SERPINA6: variants seen among roughly 807,000 people sequenced by gnomAD.
SERPINA6 encodes serpin family A member 6.
A neutral mutation model predicts 26.4 loss-of-function variants in SERPINA6; 19 were observed. The observed-to-expected ratio is 0.72, with a 90% CI of 0.50 to 1.06. The LOEUF (loss-of-function observed/expected upper bound fraction) is 1.06, where lower values mean the gene tolerates loss of function less well. Ranked by LOEUF, SERPINA6 falls within the 50% of genes least tolerant of loss-of-function variation. The pLI, the probability that SERPINA6 is intolerant of heterozygous loss-of-function variation, is 0.00. For missense variants in SERPINA6, 473 were observed against 504.0 expected (o/e 0.94, Z 0.59); for synonymous variants, 196 against 199.4 (o/e 0.98, Z 0.14).
In SERPINA6 at chr14:94,304,427, G is replaced by T. The variant is rs1895404343; in HGVS notation, c.1209C>A (p.Asn403Lys). 6.2e-7 allele frequency: 1 copy of T among 1,613,948 alleles called. No homozygotes were observed. The highest frequency in any genetic ancestry group is 8.5e-7 in the Non-Finnish European group (1 of 1,179,970). Reference protein sequence around the residue: ...WSSLFLARVMNPV With the variant: ...WSSLFLARVMKPV ...CTGGGTGGGTGGTCTCTTACACTGG[G>T]TTCATAACCCTCGCCAGGAAAAGGC... The change falls in exon 5 of 5, where the codon AAC becomes AAA. Residue 403 changes from asparagine (N) to lysine (K), a missense_variant. By Grantham distance (94) the Asn-to-Lys change is moderately conservative (BLOSUM62 0). Coordinates refer to ENST00000341584, the MANE Select transcript of SERPINA6 (RefSeq NM_001756.4).
chr14:94,309,121 T>C (rs1182270805), intron 3 of SERPINA6, among the ~76,000 whole-genome samples: 2 of 152,248 alleles, frequency 1.3e-5, no homozygotes, highest in African/African-American at 2.4e-5. Context: ...AGGGAATCCA[T>C]TGGCCGCTTC....
chr14:94,320,232 G>C (rs542433740), intron 1 of SERPINA6, among the ~76,000 whole-genome samples: 1 of 152,176 alleles, frequency 6.6e-6, no homozygotes, highest in Admixed American at 6.5e-5. Context: ...GCTCCAGGAG[G>C]TTGTGTTGTG....
At chr14:94,313,454 A>T (rs2139721945) in intron 2 of SERPINA6, among the ~76,000 whole-genome samples, 1 of 152,368 alleles carries the variant, frequency 6.6e-6, no homozygotes, top group Non-Finnish European at 1.5e-5. Flanking sequence ...AGTCAGAATC[A>T]GAGAGATGTG....
intron 3 of SERPINA6, 130 bp downstream of exon 3, chr14:94,309,606 G>A (rs1162622013): frequency 2.9e-6 from 3 of 1,026,866 alleles, no homozygotes; most frequent in Non-Finnish European, 4.5e-6. Flanking sequence ...GGGCCCAGCA[G>A]ACAGGAAAAC....
At chr14:94,319,875 GTGGTGA>G (rs1895660240) in intron 1 of SERPINA6, among the ~76,000 whole-genome samples, 1 of 152,174 alleles carries the variant, frequency 6.6e-6, no homozygotes, top group Non-Finnish European at 1.5e-5. Flanking sequence ...GACATGGAAG[GTGGTGA>G]TGGTGGCACA....
Position 94,304,526 on chromosome 14 carries a change from C to T in SERPINA6, c.1110G>A (p.Leu370=), listed in dbSNP as rs370728214. ...AACGCAAGATGATAGGCTTGGACGT[C>T]AGGTTTAGGGTGACCCCAGTGGAGC... is the stretch of plus-strand genomic sequence containing the variant. ...TAGSTGVTLN[L]TSKPIILRFN... The change falls in exon 5 of 5, where the codon CTG becomes CTA. Residue 370 remains leucine (L), a synonymous_variant. Coordinates refer to ENST00000341584, the MANE Select transcript of SERPINA6 (RefSeq NM_001756.4). 3.7e-6 allele frequency: 6 copies of T among 1,614,010 alleles called. No homozygotes were observed. The African/African-American group carries it at 6.7e-5, about 18-fold the overall frequency.
chr14:94,314,260 G>A lies in SERPINA6; in HGVS notation c.389C>T (p.Ala130Val), dbSNP rs764824086. 2.5e-6 allele frequency: 4 copies of A among 1,614,052 alleles called. No individual in the cohort carries two copies. The South Asian group carries it at 3.3e-5, about 13-fold the overall frequency. Residue 130 changes from alanine to valine, a missense_variant, in exon 2 of 5, where the codon GCC becomes GTC. Ala to Val is a moderately conservative substitution (Grantham distance 64). Transcript: ENST00000341584. The part of the protein sequence containing the change: ...DTSLEMTMGN[A>V]LFLDGSLELL... ...CTCCAGGCTGCCATCAAGAAACAAGGCATTGCCCATGGTCATTTCTAAGCT... is the reference window on the plus strand; with the variant it reads ...CTCCAGGCTGCCATCAAGAAACAAGACATTGCCCATGGTCATTTCTAAGCT...
intron 2 of SERPINA6, chr14:94,313,779 C>T (rs550107515): frequency 1.6e-6 from 1 of 626,152 alleles, no homozygotes; most frequent in African/African-American, 1.8e-5. Context: ...CCAGACTGTT[C>T]ATGGTTACAG....
At position 94,309,849 on chromosome 14, in the gene SERPINA6, G is replaced by A. The variant is rs747855761; in HGVS notation, c.771C>T (p.Tyr257=). The A allele has an allele frequency of 9.3e-6, 15 of 1,614,194 alleles. No homozygotes were observed. The highest frequency in any genetic ancestry group is 6.7e-5 in the East Asian group (3 of 44,874). Residue 257 remains tyrosine, a synonymous_variant, in exon 3 of 5, where the codon TAC becomes TAT. Coordinates refer to ENST00000341584, the MANE Select transcript of SERPINA6 (RefSeq NM_001756.4). The part of the protein sequence containing the change: ...ELPCQLVQMN[Y]VGNGTVFFIL... ...TGAAGAAGACAGTCCCATTGCCCAC[G>A]TAGTTCATCTGCACCAGCTGGCAGG...
intron 4 of SERPINA6, among the ~76,000 whole-genome samples, chr14:94,305,564 C>A (rs1276265008): frequency 6.6e-6 from 1 of 152,168 alleles, no homozygotes; most frequent in East Asian, 1.9e-4. Flanking sequence ...AGGGGCCACA[C>A]ATCTGAGTAA....
In SERPINA6 at chr14:94,306,353, C is replaced by T. The variant is rs888104950; in HGVS notation, c.885-135G>A. On this transcript the variant is annotated intron_variant, in intron 3 of 4. Coordinates refer to ENST00000341584, the MANE Select transcript of SERPINA6 (RefSeq NM_001756.4). ...AGCTCCTGCCCTCCAGCCTGACTTG[C>T]TCTTTGTGGGTAGGAGAAGGGACAG... The T allele has an allele frequency of 5.5e-6, 5 of 907,250 alleles. No homozygotes were observed. In the African/African-American group the frequency reaches 8.2e-5, roughly 15 times the overall value. 56.2% of individuals were successfully genotyped at this position (907,250 alleles called of 1,614,324 possible). A position where few individuals can be genotyped will look rare whatever the true frequency, so the allele number is the denominator to read the frequency against.
intron 3 of SERPINA6, 125 bp downstream of exon 3, chr14:94,309,611 G>A: frequency 8.8e-7 from 1 of 1,133,826 alleles, no homozygotes; most frequent in Non-Finnish European, 1.3e-6. Context: ...CAGCAGACAG[G>A]AAAACTGAGC....
At position 94,304,435 on chromosome 14, in the gene SERPINA6, C is replaced by T; in HGVS notation, c.1201G>A (p.Val401Ile). The T allele has an allele frequency of 1.2e-6, 2 of 1,614,050 alleles. No individual in the cohort carries two copies. Among genetic ancestry groups the T allele is most frequent in the Admixed American group, 1.7e-5 (1 of 60,006 alleles). ...GTGGTCTCTTACACTGGGTTCATAACCCTCGCCAGGAAAAGGCTGCTCCAG... is the reference window on the plus strand; with the variant it reads ...GTGGTCTCTTACACTGGGTTCATAATCCTCGCCAGGAAAAGGCTGCTCCAG... Reference protein sequence around the residue: ...FTWSSLFLARVMNPV With the variant: ...FTWSSLFLARIMNPV The change falls in exon 5 of 5, where the codon GTT becomes ATT. Residue 401 changes from valine (V) to isoleucine (I), a missense_variant. Val to Ile is a conservative substitution (Grantham distance 29). Transcript: ENST00000341584.
intron 1 of SERPINA6, among the ~76,000 whole-genome samples, chr14:94,316,407 T>C (rs1895614787): frequency 6.6e-6 from 1 of 152,230 alleles, no homozygotes; most frequent in African/African-American, 2.4e-5. Context: ...CTCTATTTTC[T>C]TACTTATTTT....
chr14:94,304,475 G>A lies in SERPINA6; in HGVS notation c.1161C>T (p.Ile387=). The change falls in exon 5 of 5, where the codon ATC becomes ATT. Residue 387 remains isoleucine (I), a synonymous_variant. Coordinates refer to ENST00000341584, the MANE Select transcript of SERPINA6 (RefSeq NM_001756.4). The stretch of plus-strand genomic sequence containing the variant: ...GGCTGCTCCAGGTGAAGTGGTCGAA[G>A]ATCATGATGATGAAGGGCTGGTTGA... ...LRFNQPFIIM[I]FDHFTWSSLF... is the part of the protein sequence containing the mutation. 1 of 1,614,228 alleles carries A rather than the reference G, an allele frequency of 6.2e-7. No homozygotes were observed. The highest frequency in any genetic ancestry group is 8.5e-7 in the Non-Finnish European group (1 of 1,180,042).
chr14:94,307,202 CT>C (rs985933694), intron 3 of SERPINA6, among the ~76,000 whole-genome samples: 15 of 151,930 alleles, frequency 9.9e-5, no homozygotes, highest in South Asian at 2.1e-4. Context: ...ATGTTCTTTA[CT>C]TTTTTTTTCT....
chr14:94,310,510 G>A (rs939979069), intron 2 of SERPINA6, among the ~76,000 whole-genome samples: 3 of 152,124 alleles, frequency 2.0e-5, no homozygotes, highest in African/African-American at 7.2e-5. Context: ...GAGTCAGGGT[G>A]AGAAGACTCC....
In SERPINA6 at chr14:94,314,586, C is replaced by T; in HGVS notation, c.63G>A (p.Gln21=). The part of the protein sequence containing the change: ...WLPTSGLWTV[Q]AMDPNAAYVN... ...CATAAGCAGCGTTAGGATCCATGGC[C>T]TGGACGGTCCAGAGGCCGCTGGTGG... is the stretch of plus-strand genomic sequence containing the variant. Residue 21 remains glutamine (Q), a synonymous_variant, in exon 2 of 5, where the codon CAG becomes CAA. Coordinates refer to ENST00000341584, the MANE Select transcript of SERPINA6 (RefSeq NM_001756.4). 1 of 1,614,220 alleles carries T rather than the reference C, an allele frequency of 6.2e-7. No individual in the cohort carries two copies. The highest frequency in any genetic ancestry group is 8.5e-7 in the Non-Finnish European group (1 of 1,180,048).
At position 94,313,484 on chromosome 14, in the gene SERPINA6, G is replaced by C. The variant is rs10148465; in HGVS notation, c.613+552C>G. ...GATGTGATGAGGGAAGCAGAGGTGG[G>C]AATTTGCAATTACTGGCTTTGAAAA... On this transcript the variant is annotated intron_variant, in intron 2 of 4. Coordinates refer to ENST00000341584, the MANE Select transcript of SERPINA6 (RefSeq NM_001756.4). 2.5e-3 allele frequency among the ~76,000 whole-genome samples: 384 copies of C among 152,308 alleles called. 2 individuals carry two copies. Among genetic ancestry groups the C allele is most frequent in the African/African-American group, 8.9e-3 (371 of 41,562 alleles).
Sources: gnomAD v4.1 joint callset for allele counts (sites outside exome capture counted in the v4.1 genomes callset) on GRCh38, gnomAD v4.1.1 for gene constraint, MANE v1.5 for transcripts, NCBI Gene and HGNC (gene_info 2026-07-23, HGNC 2026-07-21) for gene names.